Variants in PRR16 observed in about 807,000 individuals in gnomAD.
The protein encoded by PRR16 is proline rich 16, also known as protein Largen.
PRR16 carries 6 observed loss-of-function variants against 18.2 expected under a neutral mutation model. The ratio of observed to expected loss-of-function variants is 0.33; its 90% confidence interval spans 0.18 to 0.65. The LOEUF is 0.65. Ranked by LOEUF, PRR16 falls within the 30% of genes least tolerant of loss-of-function variation. PRR16 has a pLI of 0.74. For synonymous variants in PRR16, 151 were observed against 147.8 expected (o/e 1.02, Z -0.16); for missense variants, 412 against 376.6 (o/e 1.09, Z -0.78).
the PRR16 span, among the ~76,000 whole-genome samples, chr5:120,723,682 C>A: frequency 0.013 from 2,050 of 152,032 alleles, 49 homozygotes; most frequent in African/African-American, 0.047. Flanking sequence ...GCATTTATTG[C>A]AATTACTCCA....
intron 1 of PRR16, among the ~76,000 whole-genome samples, chr5:120,507,109 A>G (rs1435440453): frequency 2.0e-5 from 3 of 152,032 alleles, no homozygotes; most frequent in African/African-American, 4.8e-5. Flanking sequence ...CTTAAAGGAC[A>G]CTCCTATTTT....
chr5:120,475,638 G>A (rs1749417504), intron 1 of PRR16, among the ~76,000 whole-genome samples: 1 of 152,088 alleles, frequency 6.6e-6, no homozygotes, highest in African/African-American at 2.4e-5. Flanking sequence ...TCTGGAGCCT[G>A]AGCTGGGAGG....
chr5:120,770,848 C>G, the PRR16 span, among the ~76,000 whole-genome samples: 1 of 151,394 alleles, frequency 6.6e-6, no homozygotes, highest in Non-Finnish European at 1.5e-5. Context: ...ATATCATCAT[C>G]TTTTTGCAAG....
chr5:120,756,955 CCTT>C, the PRR16 span, among the ~76,000 whole-genome samples: 2 of 151,946 alleles, frequency 1.3e-5, no homozygotes, highest in African/African-American at 4.8e-5. Flanking sequence ...ATTATTTAAT[CCTT>C]CTTTAGTTAA....
At chr5:120,694,676 C>G in the PRR16 span, among the ~76,000 whole-genome samples, 3 of 118,424 alleles carry the variant, frequency 2.5e-5, no homozygotes, top group Non-Finnish European at 5.4e-5. Context: ...CAGCGAGACT[C>G]CGTCTCAAAA....
At chr5:120,467,138 T>A (rs1251489654) in intron 1 of PRR16, among the ~76,000 whole-genome samples, 3 of 152,198 alleles carry the variant, frequency 2.0e-5, no homozygotes, top group Admixed American at 6.5e-5. Context: ...AACAAAACTT[T>A]GTACATTACA....
chr5:120,572,050 C>G (rs1028544210), intron 1 of PRR16, among the ~76,000 whole-genome samples: 1 of 152,062 alleles, frequency 6.6e-6, no homozygotes, highest in African/African-American at 2.4e-5. Context: ...ACAAGTATCC[C>G]GAAAGACCAG....
At chr5:120,611,845 C>G (rs1276271309) in intron 1 of PRR16, among the ~76,000 whole-genome samples, 1 of 152,206 alleles carries the variant, frequency 6.6e-6, no homozygotes, top group Non-Finnish European at 1.5e-5. Context: ...GGCCACCATT[C>G]TCCAGACCCC....
chr5:120,524,642 C>T lies in PRR16; in HGVS notation c.159+59997C>T, dbSNP rs77710687. Among the ~76,000 whole-genome samples, 452 of 151,848 alleles carry T rather than the reference C, an allele frequency of 3.0e-3. 2 individuals are homozygous for T. Among genetic ancestry groups the T allele is most frequent in the African/African-American group, 0.01 (428 of 41,432 alleles). On this transcript the variant is annotated intron_variant, in intron 1 of 1. Coordinates refer to ENST00000407149, the MANE Select transcript of PRR16 (RefSeq NM_001300783.2). ...AACACAACAGGATAACTTCAGTTAA[C>T]AAGAATTCATAGTACATTTTAAATA...
chr5:120,486,577 G>A (rs545516555), intron 1 of PRR16, among the ~76,000 whole-genome samples: 2 of 151,650 alleles, frequency 1.3e-5, no homozygotes, highest in East Asian at 1.9e-4. Context: ...TTGCAAAAAT[G>A]TTCTCCCATT....
chr5:120,642,824 C>T (rs1755467602), intron 1 of PRR16, among the ~76,000 whole-genome samples: 1 of 152,062 alleles, frequency 6.6e-6, no homozygotes, highest in Non-Finnish European at 1.5e-5. Flanking sequence ...TCTGTATGCT[C>T]CCACTGCATT....
At chr5:120,490,867 T>C in intron 1 of PRR16, among the ~76,000 whole-genome samples, 1 of 152,218 alleles carries the variant, frequency 6.6e-6, no homozygotes, top group Admixed American at 6.5e-5. Context: ...GTTTTCCTTC[T>C]AACAGTCAGG....
the PRR16 span, among the ~76,000 whole-genome samples, chr5:120,753,890 T>C: frequency 7.8e-6 from 1 of 127,498 alleles, no homozygotes; most frequent in South Asian, 2.2e-4. Flanking sequence ...ATATATTATA[T>C]ATAATATATA....
the PRR16 span, among the ~76,000 whole-genome samples, chr5:120,709,828 G>T: frequency 6.6e-6 from 1 of 151,870 alleles, no homozygotes; most frequent in East Asian, 1.9e-4. Context: ...ATTTTTTATT[G>T]CTCAATAATA....
chr5:120,664,087 T>C (rs1580850303), intron 1 of PRR16, among the ~76,000 whole-genome samples: 1 of 152,000 alleles, frequency 6.6e-6, no homozygotes, highest in Admixed American at 6.6e-5. Flanking sequence ...TCACCTGAGG[T>C]CATGAGTTCG....
intron 1 of PRR16, among the ~76,000 whole-genome samples, chr5:120,574,553 G>T (rs1198889482): frequency 1.3e-5 from 2 of 149,640 alleles, no homozygotes; most frequent in Non-Finnish European, 2.9e-5. Context: ...GCAGAATCAA[G>T]ATCATGCCAT....
At chr5:120,563,371 T>G (rs79602876) in intron 1 of PRR16, among the ~76,000 whole-genome samples, 2 of 152,192 alleles carry the variant, frequency 1.3e-5, no homozygotes, top group African/African-American at 4.8e-5. Flanking sequence ...AGAGATGCTC[T>G]CTGGGAGTCA....
intron 1 of PRR16, among the ~76,000 whole-genome samples, chr5:120,560,749 G>A (rs372686457): frequency 6.8e-6 from 1 of 147,222 alleles, no homozygotes; most frequent in South Asian, 2.1e-4. Context: ...CAGCAATGAA[G>A]CTACTGGGTC....
At chr5:120,709,064 G>A in the PRR16 span, among the ~76,000 whole-genome samples, 165 of 123,934 alleles carry the variant, frequency 1.3e-3, no homozygotes, top group African/African-American at 4.8e-3. Context: ...CTGGAGTGCA[G>A]TGGCGCAATC....
Sources: allele counts gnomAD v4.1 joint callset (sites outside exome capture counted in the v4.1 genomes callset), GRCh38; gene constraint gnomAD v4.1.1; transcripts MANE v1.5; gene names NCBI Gene and HGNC (gene_info 2026-07-23, HGNC 2026-07-21).